Variants in CEP72 observed in about 807,000 individuals in gnomAD.
The protein encoded by CEP72 is centrosomal protein of 72 kDa.
In CEP72, 78 loss-of-function variants were observed where a neutral mutation model predicts 65.7. The observed-to-expected ratio is 1.19, with a 90% CI of 0.99 to 1.43. CEP72 has a LOEUF of 1.43. Ranked by LOEUF, CEP72 falls within the 40% of genes most tolerant of loss-of-function variation. CEP72 has a pLI of 0.00. For synonymous variants in CEP72, 358 were observed against 351.7 expected (o/e 1.02, Z -0.20); for missense variants, 914 against 832.9 (o/e 1.10, Z -1.20).
intron 11 of CEP72, 59 bp from the exon 12 acceptor site, chr5:652,929 G>A (rs1323030464): frequency 1.3e-6 from 2 of 1,496,492 alleles, no homozygotes; most frequent in East Asian, 2.4e-5. Context: ...CAGCAGGTGA[G>A]GGCCACACCG....
downstream of CEP72, among the ~76,000 whole-genome samples, chr5:668,893 G>T (rs1283018288): frequency 6.6e-6 from 1 of 152,146 alleles, no homozygotes; most frequent in Non-Finnish European, 1.5e-5. Flanking sequence ...GTGCCAAGTG[G>T]CCAGGCTTGG....
At chr5:674,303 C>G in the CEP72 span, among the ~76,000 whole-genome samples, 1 of 152,184 alleles carries the variant, frequency 6.6e-6, no homozygotes, top group Non-Finnish European at 1.5e-5. Context: ...GAGCACGGGG[C>G]TGGGTCCCCT....
chr5:635,010 C>T (rs1429465732), intron 5 of CEP72, among the ~76,000 whole-genome samples: 1 of 152,210 alleles, frequency 6.6e-6, no homozygotes, highest in Non-Finnish European at 1.5e-5. Flanking sequence ...ATTCTCCTGC[C>T]TCAGCCTCCC....
chr5:637,556 TGGATTTGTCAGGAGAA>T lies in CEP72; in HGVS notation c.945_960del (p.Asp316TrpfsTer47). 1.2e-6 allele frequency: 2 copies of T among 1,614,022 alleles called. No individual in the cohort carries two copies. The highest frequency in any genetic ancestry group is 1.7e-6 in the Non-Finnish European group (2 of 1,180,006). On this transcript the variant is annotated frameshift_variant, in exon 7 of 12. Transcript: ENST00000264935. LOFTEE classifies it high-confidence loss of function. ...GAGGACTCGGCCTCTTCTCAGAAGT[TGGATTTGTCAGGAGAA>T]ATGGTGCCTGGTCCCCTGCCAGCCC...
intron 7 of CEP72, 113 bp downstream of exon 7, chr5:637,931 T>G (rs1347224581): frequency 1.3e-5 from 14 of 1,041,368 alleles, no homozygotes; most frequent in Non-Finnish European, 1.9e-5. Context: ...TGTCCCTCCC[T>G]GATGCAGGGC....
chr5:639,761 G>A (rs1036507332), intron 8 of CEP72, among the ~76,000 whole-genome samples: 25 of 152,312 alleles, frequency 1.6e-4, no homozygotes, highest in Admixed American at 3.9e-4. Context: ...GAGATGCCGC[G>A]TCCCCAGGGG....
In CEP72 at chr5:612,396, A is replaced by C. The variant is rs926683864; in HGVS notation, c.35A>C (p.Glu12Ala). The C allele has an allele frequency of 4.9e-5, 73 of 1,488,804 alleles. No homozygotes were observed. The Admixed American group carries it at 1.5e-3, about 31-fold the overall frequency. 92.2% of individuals were successfully genotyped at this position (1,488,804 alleles called of 1,614,324 possible). The change falls in exon 1 of 12, where the codon GAG becomes GCG. Residue 12 changes from glutamate to alanine, a missense_variant. Coordinates refer to ENST00000264935, the MANE Select transcript of CEP72 (RefSeq NM_018140.4). The part of the protein sequence containing the change: ...ARAGPRLVLS[E>A]EAVRAKSGLG... ...GCTGGCCCTCGGCTGGTGCTGAGCGAGGAGGCGGTTCGGGCGAAGAGCGGC... is the reference window on the plus strand; with the variant it reads ...GCTGGCCCTCGGCTGGTGCTGAGCGCGGAGGCGGTTCGGGCGAAGAGCGGC...
At chr5:673,599 G>A in the CEP72 span, among the ~76,000 whole-genome samples, 1 of 152,180 alleles carries the variant, frequency 6.6e-6, no homozygotes, top group African/African-American at 2.4e-5. Flanking sequence ...GGCTGCCCAG[G>A]ACCGGGTCTC....
chr5:642,536 G>A (rs1738126651), intron 9 of CEP72: 1 of 985,362 alleles, frequency 1.0e-6, no homozygotes, highest in South Asian at 4.7e-5. Flanking sequence ...GAGCTGACAG[G>A]CGGAGCCCAA....
chr5:612,372 C>T lies in CEP72; in HGVS notation c.11C>T (p.Ala4Val), dbSNP rs996836267. Residue 4 changes from alanine to valine, a missense_variant, in exon 1 of 12, where the codon GCT becomes GTT. Coordinates refer to ENST00000264935, the MANE Select transcript of CEP72 (RefSeq NM_018140.4). MAR[A>V]GPRLVLSEEA... The stretch of plus-strand genomic sequence containing the variant: ...GGCTCCGTTTGAAACATGGCGCGGG[C>T]TGGCCCTCGGCTGGTGCTGAGCGAG... 2.0e-6 allele frequency: 3 copies of T among 1,490,394 alleles called. No individual in the cohort carries two copies. In the East Asian group the frequency reaches 8.6e-5, roughly 43 times the overall value. The allele number at this position is 1,490,394 out of a possible 1,614,324, so 92.3% of individuals were successfully genotyped here.
intron 4 of CEP72, among the ~76,000 whole-genome samples, 177 bp from the exon 5 acceptor site, chr5:633,592 C>G (rs942570226): frequency 1.3e-5 from 2 of 152,258 alleles, no homozygotes; most frequent in African/African-American, 2.4e-5. Flanking sequence ...CACCGATTGT[C>G]CTTGGTGAGT....
chr5:675,124 G>T, the CEP72 span, among the ~76,000 whole-genome samples: 3 of 144,478 alleles, frequency 2.1e-5, no homozygotes, highest in Non-Finnish European at 3.1e-5. Context: ...GGGGGGTACA[G>T]TGTGGCCAGG....
rs1196894851 is a variant in CEP72, at chr5:637,750, AC to A, written c.1140del (p.Leu381CysfsTer17). The A allele has an allele frequency of 9.3e-6, 15 of 1,611,896 alleles. No individual in the cohort carries two copies. Among genetic ancestry groups the A allele is most frequent in the Non-Finnish European group, 1.3e-5 (15 of 1,179,148 alleles). ...CAGCTCAGAAAGCAGGAACGGGAGG[AC>A]CTTGTCTCAGCCTGAGGCCTCGGAG... is the stretch of plus-strand genomic sequence containing the variant. ...QDSSESRNGR[T>X]LSQPEASETE... is the part of the protein sequence containing the mutation. On this transcript the variant is annotated frameshift_variant, in exon 7 of 12. Transcript: ENST00000264935. LOFTEE classifies it high-confidence loss of function.
At chr5:618,952 A>G (rs1736191884) in intron 1 of CEP72, 38 bp from the exon 2 acceptor site, 3 of 1,517,382 alleles carry the variant, frequency 2.0e-6, no homozygotes, top group Middle Eastern at 3.5e-4. Context: ...TTGTTTTCAA[A>G]ATAAAAGATT....
At chr5:674,352 G>A in the CEP72 span, among the ~76,000 whole-genome samples, 1 of 152,196 alleles carries the variant, frequency 6.6e-6, no homozygotes, top group East Asian at 1.9e-4. Flanking sequence ...GAGCACTGGG[G>A]GGCACAGGGG....
chr5:640,613 GC>G lies in CEP72; in HGVS notation c.1539+12del. On this transcript the variant is annotated intron_variant, in intron 9 of 11. Coordinates refer to ENST00000264935, the MANE Select transcript of CEP72 (RefSeq NM_018140.4). ...ACACACACAAGGAGCTGGTGAGCCC[GC>G]CCTGGCGCTGTGTCTGTGTCCATGT... The G allele has an allele frequency of 3.1e-6, 5 of 1,604,872 alleles. No individual in the cohort carries two copies. The highest frequency in any genetic ancestry group is 2.5e-6 in the Non-Finnish European group (3 of 1,176,788).
chr5:654,416 C>T (rs1457684960), downstream of CEP72, among the ~76,000 whole-genome samples: 2 of 149,200 alleles, frequency 1.3e-5, no homozygotes, highest in East Asian at 4.1e-4. Context: ...TGCTTGTGTG[C>T]TAGCTGTGTG....
chr5:621,439 A>G lies in CEP72; in HGVS notation c.403+1178A>G, dbSNP rs112697692. The stretch of plus-strand genomic sequence containing the variant: ...TGTCAATTTCAAGTAAACAGCAGCT[A>G]AAGCACGTTGGTGGGTGATGTGCCT... On this transcript the variant is annotated intron_variant, in intron 3 of 11. Coordinates refer to ENST00000264935, the MANE Select transcript of CEP72 (RefSeq NM_018140.4). Among the ~76,000 whole-genome samples, 1,518 of 152,342 alleles carry G rather than the reference A, an allele frequency of 1.0e-2. 29 individuals carry two copies. The highest frequency in any genetic ancestry group is 0.035 in the African/African-American group (1,454 of 41,586).
At chr5:670,430 C>T (rs1340666770), downstream of CEP72, among the ~76,000 whole-genome samples, 1 of 152,164 alleles carries the variant, frequency 6.6e-6, no homozygotes, top group Non-Finnish European at 1.5e-5. Context: ...GGGAAACAGC[C>T]TCTCCCTGTA....
Sources: gnomAD v4.1 joint callset for allele counts (sites outside exome capture counted in the v4.1 genomes callset) on GRCh38, gnomAD v4.1.1 for gene constraint, MANE v1.5 for transcripts, NCBI Gene and HGNC (gene_info 2026-07-23, HGNC 2026-07-21) for gene names.